Variants in EYA1 observed in about 807,000 individuals in gnomAD.
EYA1 encodes the protein EYA transcriptional coactivator and phosphatase 1, also known as protein phosphatase EYA1.
EYA1 carries 16 observed loss-of-function variants against 82.0 expected under a neutral mutation model. That is an observed-to-expected ratio of 0.20 (90% CI 0.13 to 0.30). EYA1 has a LOEUF of 0.30. EYA1 is among the 10% of genes least tolerant of loss of function. EYA1 has a pLI of 1.00. For missense variants in EYA1, 633 were observed against 730.7 expected, an observed-to-expected ratio of 0.87 and a Z score of 1.54; for synonymous variants, 261 against 264.4, an observed-to-expected ratio of 0.99 and a Z score of 0.12.
intron 2 of EYA1, among the ~76,000 whole-genome samples, chr8:71,431,555 C>T (rs1805617288): frequency 6.6e-6 from 1 of 152,132 alleles, no homozygotes; most frequent in Non-Finnish European, 1.5e-5. Context: ...GTATAGGAAA[C>T]AGAATTGCTA....
chr8:71,401,178 T>C (rs1760464627), intron 2 of EYA1, among the ~76,000 whole-genome samples: 1 of 152,040 alleles, frequency 6.6e-6, no homozygotes, highest in African/African-American at 2.4e-5. Flanking sequence ...AGCTAATGCA[T>C]TCTGGGCTTC....
At chr8:71,473,377 A>G (rs1410682166) in intron 2 of EYA1, among the ~76,000 whole-genome samples, 2 of 151,952 alleles carry the variant, frequency 1.3e-5, no homozygotes, top group Non-Finnish European at 2.9e-5. Context: ...AACCCATCAA[A>G]AAGTGGGCAA....
chr8:71,211,337 G>T, intron 16 of EYA1, 81 bp from the exon 17 acceptor site: 1 of 899,002 alleles, frequency 1.1e-6, no homozygotes, highest in Non-Finnish European at 1.9e-6. Flanking sequence ...TATATAAAAT[G>T]CTTTCTTCAT....
chr8:71,478,415 A>C (rs931949565), intron 2 of EYA1, among the ~76,000 whole-genome samples: 1 of 152,106 alleles, frequency 6.6e-6, no homozygotes, highest in South Asian at 2.1e-4. Context: ...CCATCTATAC[A>C]AACAGAGAGG....
chr8:71,373,838 A>T (rs1466407123), intron 2 of EYA1, among the ~76,000 whole-genome samples: 1 of 152,170 alleles, frequency 6.6e-6, no homozygotes, highest in Non-Finnish European at 1.5e-5. Flanking sequence ...AAACCCAAGC[A>T]TATGTGGTCA....
rs7818376 is a variant in EYA1 at position 71,211,582 on chromosome 8, G to C, written c.1598-326C>G. Among the ~76,000 whole-genome samples the C allele has an allele frequency of 0.16, 24,597 of 152,138 alleles. 2,102 individuals carry two copies. Among genetic ancestry groups the C allele is most frequent in the Middle Eastern group, 0.19 (55 of 294 alleles). On this transcript the variant is annotated intron_variant, in intron 16 of 17. Transcript: ENST00000340726. ...GTGGGGGAAAGTACTGTTTTGCAGT[G>C]GGACTTCTTTTTCCCCCTATATATA...
At chr8:71,525,824 A>C (rs1813772689) in intron 2 of EYA1, among the ~76,000 whole-genome samples, 1 of 152,192 alleles carries the variant, frequency 6.6e-6, no homozygotes, top group South Asian at 2.1e-4. Flanking sequence ...CTGCCACACT[A>C]GCAGGCCTGA....
chr8:71,540,756 G>T (rs748344696), intron 1 of EYA1, among the ~76,000 whole-genome samples: 18 of 152,242 alleles, frequency 1.2e-4, no homozygotes, highest in Non-Finnish European at 2.4e-4. Flanking sequence ...TTGGATGAAA[G>T]AATATTTTCA....
intron 9 of EYA1, among the ~76,000 whole-genome samples, chr8:71,277,434 G>A (rs1817333325): frequency 6.6e-6 from 1 of 152,080 alleles, no homozygotes; most frequent in African/African-American, 2.4e-5. Context: ...TTACAGGCAT[G>A]AGCCAATGCA....
intron 2 of EYA1, among the ~76,000 whole-genome samples, chr8:71,382,740 G>T (rs2129101876): frequency 6.6e-6 from 1 of 152,058 alleles, no homozygotes; most frequent in Non-Finnish European, 1.5e-5. Context: ...CAATGATTTG[G>T]CAGTCTACAC....
chr8:71,539,117 G>A (rs776841860), intron 1 of EYA1, among the ~76,000 whole-genome samples: 4 of 151,936 alleles, frequency 2.6e-5, no homozygotes, highest in Non-Finnish European at 5.9e-5. Flanking sequence ...AGGCATCTAG[G>A]GCCCTGTCTA....
At chr8:71,452,376 C>T (rs1807461496) in intron 2 of EYA1, among the ~76,000 whole-genome samples, 1 of 152,210 alleles carries the variant, frequency 6.6e-6, no homozygotes, top group Non-Finnish European at 1.5e-5. Context: ...CAGCAGAAAC[C>T]TCTGCAGACT....
At chr8:71,405,605 T>C (rs549492446) in intron 2 of EYA1, among the ~76,000 whole-genome samples, 2 of 152,326 alleles carry the variant, frequency 1.3e-5, no homozygotes, top group Admixed American at 1.3e-4. Context: ...AAAATTAGAA[T>C]GGGTGAATAA....
intron 9 of EYA1, among the ~76,000 whole-genome samples, chr8:71,288,941 T>C (rs978147411): frequency 6.6e-6 from 1 of 152,204 alleles, no homozygotes; most frequent in African/African-American, 2.4e-5. Context: ...GTTTTAAAAG[T>C]GTTAGAAGGT....
chr8:71,362,550 A>G (rs1827498798), upstream of EYA1, among the ~76,000 whole-genome samples: 2 of 152,166 alleles, frequency 1.3e-5, no homozygotes, highest in Admixed American at 1.3e-4. Flanking sequence ...TGGGGGAAAT[A>G]AAAAACTAGA....
chr8:71,378,941 C>A (rs865857158), intron 2 of EYA1, among the ~76,000 whole-genome samples: 2 of 152,176 alleles, frequency 1.3e-5, no homozygotes, highest in Middle Eastern at 6.8e-3. Flanking sequence ...AAAATAAATT[C>A]TGTAAATTGA....
chr8:71,315,988 A>G (rs190578353), intron 7 of EYA1, among the ~76,000 whole-genome samples: 1 of 152,254 alleles, frequency 6.6e-6, no homozygotes, highest in Non-Finnish European at 1.5e-5. Context: ...AAAATGATAA[A>G]TAAAAAAAAA....
At chr8:71,247,614 A>G (rs766713596) in intron 11 of EYA1, among the ~76,000 whole-genome samples, 2 of 152,210 alleles carry the variant, frequency 1.3e-5, no homozygotes, top group Non-Finnish European at 2.9e-5. Flanking sequence ...AGGTTTTAGG[A>G]GAATTACAGT....
At chr8:71,448,034 C>T (rs1234053305) in intron 2 of EYA1, among the ~76,000 whole-genome samples, 3 of 53,208 alleles carry the variant, frequency 5.6e-5, no homozygotes, top group African/African-American at 2.0e-4. Context: ...TTTCTCGCTC[C>T]GTTGCCCAGG....
Sources: allele counts gnomAD v4.1 joint callset (sites outside exome capture counted in the v4.1 genomes callset), GRCh38; gene constraint gnomAD v4.1.1; transcripts MANE v1.5; gene names NCBI Gene and HGNC (gene_info 2026-07-23, HGNC 2026-07-21).